The following ALOX5 variants were observed in gnomAD, a reference collection of about 807,000 sequenced individuals.
ALOX5 encodes the protein polyunsaturated fatty acid 5-lipoxygenase.
Under a neutral mutation model 87.9 loss-of-function variants are expected in ALOX5, and 64 were observed. That is an observed-to-expected ratio of 0.73 (90% CI 0.60 to 0.90). The LOEUF (loss-of-function observed/expected upper bound fraction) is 0.90. Ranked by LOEUF, ALOX5 falls within the 40% of genes least tolerant of loss-of-function variation. ALOX5 has a pLI of 0.00. For synonymous variants in ALOX5, 388 were observed against 355.1 expected (o/e 1.09, Z -1.04); for missense variants, 822 against 907.5 (o/e 0.91, Z 1.21).
intron 2 of ALOX5, among the ~76,000 whole-genome samples, chr10:45,384,619 A>G (rs915335451): frequency 3.9e-5 from 6 of 152,212 alleles, no homozygotes; most frequent in African/African-American, 1.4e-4. Context: ...TGCATTTCTT[A>G]CATGATGGCT....
intron 2 of ALOX5, among the ~76,000 whole-genome samples, chr10:45,394,138 C>T (rs1483513613): frequency 6.6e-6 from 1 of 152,184 alleles, no homozygotes; most frequent in Non-Finnish European, 1.5e-5. Flanking sequence ...AAAGAGCCCG[C>T]ATTGCCAAGA....
chr10:45,385,091 C>G (rs768240554), intron 2 of ALOX5, among the ~76,000 whole-genome samples: 10 of 152,186 alleles, frequency 6.6e-5, no homozygotes, highest in Non-Finnish European at 1.5e-4. Context: ...AGGTGATCCA[C>G]CCGGCTCGGC....
At chr10:45,377,338 G>T (rs1459654510) in intron 1 of ALOX5, among the ~76,000 whole-genome samples, 1 of 140,052 alleles carries the variant, frequency 7.1e-6, no homozygotes, top group African/African-American at 2.7e-5. Flanking sequence ...CCTACATTCT[G>T]CCCCCTCTTC....
At chr10:45,390,127 A>G (rs1840161727) in intron 2 of ALOX5, among the ~76,000 whole-genome samples, 1 of 152,268 alleles carries the variant, frequency 6.6e-6, no homozygotes. Flanking sequence ...GATCAATTCA[A>G]CAAGAAGAGC....
In ALOX5 at chr10:45,391,008, T is replaced by TCCC. The variant is rs1462944235; in HGVS notation, c.350-4846_350-4845insCCC. On this transcript the variant is annotated intron_variant, in intron 2 of 13. Transcript: ENST00000374391. ...CCTCTCCCCTCTCCCCTCTCCCCTCTCTCCTCTCCCATCTCCCCTCTCCCC... is the reference window on the plus strand; with the variant it reads ...CCTCTCCCCTCTCCCCTCTCCCCTCTCCCCTCCTCTCCCATCTCCCCTCTCCCC... Among the ~76,000 whole-genome samples the TCCC allele has an allele frequency of 1.2e-3, 26 of 21,342 alleles. 1 individual carries two copies. Among genetic ancestry groups the TCCC allele is most frequent in the African/African-American group, 2.6e-3 (13 of 5,078 alleles). The allele number at this position is 21,342 out of a possible 152,430, so 14.0% of individuals were successfully genotyped here.
intron 1 of ALOX5, among the ~76,000 whole-genome samples, chr10:45,381,813 G>C (rs373016265): frequency 6.6e-6 from 1 of 152,238 alleles, no homozygotes; most frequent in South Asian, 2.1e-4. Context: ...CTGGGTCGTA[G>C]CACTGAGCCT....
intron 2 of ALOX5, 31 bp from the exon 3 acceptor site, chr10:45,395,824 A>T: frequency 6.2e-7 from 1 of 1,601,348 alleles, no homozygotes; most frequent in Non-Finnish European, 8.6e-7. Flanking sequence ...GTTCTTCCTC[A>T]GGCTCCTCTC....
At chr10:45,443,253 C>T (rs527521483) in intron 10 of ALOX5, 37 bp downstream of exon 10, 7 of 1,600,040 alleles carry the variant, frequency 4.4e-6, no homozygotes, top group Admixed American at 3.4e-5. Context: ...GGGGGAGGAG[C>T]CGGGACCCCT....
At chr10:45,433,872 C>T (rs1313203425) in intron 7 of ALOX5, among the ~76,000 whole-genome samples, 1 of 152,192 alleles carries the variant, frequency 6.6e-6, no homozygotes, top group African/African-American at 2.4e-5. Context: ...TCCGTCTTAT[C>T]TGAGGTCTCT....
rs758992797 is a variant in ALOX5 at position 45,443,771 on chromosome 10, C to T, written c.1617C>T (p.Tyr539=). Reference sequence around the variant, plus strand: ...AGAGCCGGGAGCAGCTGTCGGAGTACCTGACCGTGGTGATCTTCACCGCCT... The same window carrying T: ...AGAGCCGGGAGCAGCTGTCGGAGTATCTGACCGTGGTGATCTTCACCGCCT... ...SVKSREQLSE[Y]LTVVIFTASA... Residue 539 remains tyrosine (Y), a synonymous_variant, in exon 12 of 14, where the codon TAC becomes TAT. Coordinates refer to ENST00000374391, the MANE Select transcript of ALOX5 (RefSeq NM_000698.5). 7.4e-6 allele frequency: 12 copies of T among 1,612,384 alleles called. No homozygotes were observed. Among genetic ancestry groups the T allele is most frequent in the Admixed American group, 1.7e-5 (1 of 59,938 alleles).
At chr10:45,427,335 C>A (rs1344501273) in intron 6 of ALOX5, among the ~76,000 whole-genome samples, 1 of 152,200 alleles carries the variant, frequency 6.6e-6, no homozygotes, top group Non-Finnish European at 1.5e-5. Flanking sequence ...CCCGACCAAC[C>A]CAAGGGTCTC....
rs936783457 is a variant in ALOX5, at chr10:45,432,550, G to C, written c.981+3786G>C. Among the ~76,000 whole-genome samples the C allele has an allele frequency of 2.6e-5, 4 of 152,054 alleles. No homozygotes were observed. In the East Asian group the frequency reaches 7.7e-4, roughly 29 times the overall value. On this transcript the variant is annotated intron_variant, in intron 7 of 13. Coordinates refer to ENST00000374391, the MANE Select transcript of ALOX5 (RefSeq NM_000698.5). Reference sequence around the variant, plus strand: ...CACAATGGAGGTTTTTCAACTCAGTGAAAAAGGGATATTATTTTAATGATG... The same window carrying C: ...CACAATGGAGGTTTTTCAACTCAGTCAAAAAGGGATATTATTTTAATGATG...
chr10:45,424,233 G>C, intron 5 of ALOX5, 86 bp downstream of exon 5: 3 of 1,162,358 alleles, frequency 2.6e-6, no homozygotes, highest in Non-Finnish European at 2.6e-6. Flanking sequence ...ATTGACAAGG[G>C]CCTTCCTGCC....
chr10:45,418,125 C>T (rs1010126494), intron 4 of ALOX5, among the ~76,000 whole-genome samples: 4 of 152,198 alleles, frequency 2.6e-5, no homozygotes, highest in Admixed American at 2.6e-4. Flanking sequence ...CTCTGAGCAC[C>T]GCCTCTGTGC....
At chr10:45,412,136 G>A in intron 3 of ALOX5, 55 bp from the exon 4 acceptor site, 1 of 1,610,726 alleles carries the variant, frequency 6.2e-7, no homozygotes, top group East Asian at 2.2e-5. Flanking sequence ...CTCAGCTGAG[G>A]GGGCAGACCA....
chr10:45,374,853 C>T (rs970348193), intron 1 of ALOX5, among the ~76,000 whole-genome samples: 2 of 152,166 alleles, frequency 1.3e-5, no homozygotes, highest in African/African-American at 4.8e-5. Context: ...GAGGGAGAGG[C>T]AGATGAGTCA....
chr10:45,428,033 A>C, intron 6 of ALOX5, among the ~76,000 whole-genome samples: 1 of 144,204 alleles, frequency 6.9e-6, no homozygotes, highest in East Asian at 2.0e-4. Context: ...CTCCCGAAAC[A>C]CGCTCATTCC....
In ALOX5 at chr10:45,424,050, C is replaced by G. The variant is rs1486373060; in HGVS notation, c.564C>G (p.Asn188Lys). The change falls in exon 5 of 14, where the codon AAC becomes AAG. Residue 188 changes from asparagine (N) to lysine (K), a missense_variant. Coordinates refer to ENST00000374391, the MANE Select transcript of ALOX5 (RefSeq NM_000698.5). ...FVLNYSKAMENLFINRFMHMF... is the reference protein window; with the variant it reads ...FVLNYSKAMEKLFINRFMHMF... ...CTCTCCTGGTCTGCAGGATGGAGAA[C>G]CTGTTCATCAACCGCTTCATGCACA... 1 of 1,613,924 alleles carries G rather than the reference C, an allele frequency of 6.2e-7. No homozygotes were observed. Among genetic ancestry groups the G allele is most frequent in the Non-Finnish European group, 8.5e-7 (1 of 1,179,918 alleles).
Position 45,443,475 on chromosome 10 carries a change from C to A in ALOX5, c.1511C>A (p.Pro504Gln). ...GGCGACCAGGTGGTGGAGGAGGACC[C>A]GGAGCTGCAGGACTTCGTGAACGAT... ...YEGDQVVEED[P>Q]ELQDFVNDVY... The change falls in exon 11 of 14, where the codon CCG becomes CAG. Residue 504 changes from proline (P) to glutamine (Q), a missense_variant. Coordinates refer to ENST00000374391, the MANE Select transcript of ALOX5 (RefSeq NM_000698.5). 6.2e-7 allele frequency: 1 copy of A among 1,613,002 alleles called. No individual in the cohort carries two copies. Among genetic ancestry groups the A allele is most frequent in the Non-Finnish European group, 8.5e-7 (1 of 1,179,532 alleles).
Sources: gnomAD v4.1 joint callset for allele counts (sites outside exome capture counted in the v4.1 genomes callset) on GRCh38, gnomAD v4.1.1 for gene constraint, MANE v1.5 for transcripts, NCBI Gene and HGNC (gene_info 2026-07-23, HGNC 2026-07-21) for gene names.